Variants in DLG2 observed in about 807,000 individuals in gnomAD.
The protein encoded by DLG2 is disks large homolog 2.
Under a neutral mutation model 132.5 loss-of-function variants are expected in DLG2, and 45 were observed. The ratio of observed to expected loss-of-function variants is 0.34; its 90% CI spans 0.27 to 0.44. DLG2 has a LOEUF of 0.44. Ranked by LOEUF, DLG2 falls within the 20% of genes least tolerant of loss-of-function variation. DLG2 has a pLI of 1.00. For synonymous variants in DLG2, 424 were observed against 419.6 expected (o/e 1.01, Z -0.13); for missense variants, 1,045 against 1,196.9 (o/e 0.87, Z 1.87).
intron 11 of DLG2, among the ~76,000 whole-genome samples, chr11:83,989,433 G>C (rs541841409): frequency 6.6e-6 from 1 of 152,036 alleles, no homozygotes; most frequent in East Asian, 1.9e-4. Flanking sequence ...CAGGTTGTTG[G>C]GAAAACATGA....
chr11:84,218,945 T>C (rs75846986), intron 8 of DLG2, among the ~76,000 whole-genome samples: 6,307 of 152,266 alleles, frequency 0.041, 383 homozygotes, highest in African/African-American at 0.14. Context: ...TATTTTTCTA[T>C]TGTATTAAGG....
At chr11:85,582,701 A>C (rs111413578) in intron 3 of DLG2, among the ~76,000 whole-genome samples, 17,304 of 131,568 alleles carry the variant, frequency 0.13, 1,416 homozygotes, top group East Asian at 0.25. Context: ...AAAAAAAAAA[A>C]AAAACTCGTG....
chr11:84,004,757 C>T (rs2094499588), intron 11 of DLG2, among the ~76,000 whole-genome samples: 1 of 151,808 alleles, frequency 6.6e-6, no homozygotes, highest in Non-Finnish European at 1.5e-5. Flanking sequence ...AACTACAAAA[C>T]ACTGATGAAA....
intron 6 of DLG2, among the ~76,000 whole-genome samples, chr11:84,671,212 T>A (rs574975229): frequency 2.0e-4 from 31 of 152,012 alleles, no homozygotes; most frequent in Non-Finnish European, 3.7e-4. Context: ...AATCCTCCTA[T>A]CTCAGCCTTC....
chr11:84,669,121 T>A (rs1366983313), intron 6 of DLG2, among the ~76,000 whole-genome samples: 4 of 151,934 alleles, frequency 2.6e-5, no homozygotes, highest in African/African-American at 9.7e-5. Flanking sequence ...ACACTAGAGG[T>A]AAGACCTAAG....
intron 5 of DLG2, among the ~76,000 whole-genome samples, chr11:85,122,697 G>T (rs1295055052): frequency 6.6e-6 from 1 of 151,774 alleles, no homozygotes; most frequent in East Asian, 1.9e-4. Context: ...TGCATTTCCA[G>T]CAGTTTTCTA....
intron 7 of DLG2, among the ~76,000 whole-genome samples, chr11:84,428,406 C>T (rs1459609795): frequency 6.6e-6 from 1 of 152,166 alleles, no homozygotes; most frequent in Non-Finnish European, 1.5e-5. Flanking sequence ...TTAGCTTGGG[C>T]TGCCATAACA....
At chr11:84,366,281 C>G (rs1352173604) in intron 7 of DLG2, among the ~76,000 whole-genome samples, 1 of 151,832 alleles carries the variant, frequency 6.6e-6, no homozygotes, top group Non-Finnish European at 1.5e-5. Context: ...TTTGTCACCA[C>G]CAGGCCTGCC....
chr11:84,812,863 T>A (rs2076711354), intron 6 of DLG2, among the ~76,000 whole-genome samples: 1 of 152,118 alleles, frequency 6.6e-6, no homozygotes, highest in Admixed American at 6.6e-5. Flanking sequence ...AAATTGAAGT[T>A]CCATATGGTG....
chr11:83,952,127 C>T (rs1032458668), intron 14 of DLG2, among the ~76,000 whole-genome samples: 18 of 152,106 alleles, frequency 1.2e-4, no homozygotes, highest in African/African-American at 4.3e-4. Flanking sequence ...AGGGGGATCA[C>T]TTGAGCTTGG....
intron 6 of DLG2, among the ~76,000 whole-genome samples, chr11:84,910,394 G>C (rs956541219): frequency 1.3e-5 from 2 of 152,094 alleles, no homozygotes; most frequent in African/African-American, 4.8e-5. Context: ...CTAGTCAAAT[G>C]CTTTCCTAGA....
chr11:85,019,304 G>A (rs776141371), intron 6 of DLG2, among the ~76,000 whole-genome samples: 10 of 152,064 alleles, frequency 6.6e-5, no homozygotes, highest in South Asian at 6.2e-4. Flanking sequence ...GGGACTAGGC[G>A]CAGACCAATA....
At chr11:84,503,031 C>G (rs1401130158) in intron 7 of DLG2, among the ~76,000 whole-genome samples, 2 of 152,134 alleles carry the variant, frequency 1.3e-5, no homozygotes, top group Non-Finnish European at 1.5e-5. Flanking sequence ...TGAAGAGATT[C>G]TCTTGTAATA....
At chr11:83,985,900 T>A (rs1288618827) in intron 11 of DLG2, among the ~76,000 whole-genome samples, 1 of 151,996 alleles carries the variant, frequency 6.6e-6, no homozygotes, top group Non-Finnish European at 1.5e-5. Flanking sequence ...GTTGAATTTT[T>A]TTCCTCTAGG....
intron 4 of DLG2, among the ~76,000 whole-genome samples, chr11:85,165,371 G>A (rs2078364653): frequency 6.6e-6 from 1 of 152,192 alleles, no homozygotes; most frequent in Admixed American, 6.5e-5. Flanking sequence ...TCAGAATGGA[G>A]TCATTCATGC....
intron 7 of DLG2, among the ~76,000 whole-genome samples, chr11:84,309,426 A>C (rs992299336): frequency 7.9e-5 from 12 of 152,226 alleles, no homozygotes; most frequent in Non-Finnish European, 1.6e-4. Context: ...AACTTATAAC[A>C]ATAAAAGGAA....
intron 3 of DLG2, among the ~76,000 whole-genome samples, chr11:85,488,398 A>C (rs535553506): frequency 8.0e-4 from 122 of 152,024 alleles, no homozygotes; most frequent in Middle Eastern, 6.8e-3. Context: ...AAAAAAAAAA[A>C]AACAACAACA....
Position 84,072,197 on chromosome 11 carries a change from C to A in DLG2, c.750-12713G>T, listed in dbSNP as rs553999179. 7.2e-5 allele frequency among the ~76,000 whole-genome samples: 11 copies of A among 152,310 alleles called. No homozygotes were observed. In the East Asian group the frequency reaches 1.7e-3, roughly 24 times the overall value. On this transcript the variant is annotated intron_variant, in intron 10 of 27. Coordinates refer to ENST00000376104, the MANE Select transcript of DLG2 (RefSeq NM_001142699.3). ...TGCCTTTTTGGATAAAGCCAAAGTA[C>A]CTTCACATAACACCCAAGTCTTTCC...
chr11:84,698,282 C>T (rs987934856), intron 6 of DLG2, among the ~76,000 whole-genome samples: 15 of 151,522 alleles, frequency 9.9e-5, no homozygotes, highest in African/African-American at 3.6e-4. Context: ...AATTATCTCA[C>T]TTTCTCTGTT....
Sources: gnomAD v4.1 joint callset for allele counts (sites outside exome capture counted in the v4.1 genomes callset) on GRCh38, gnomAD v4.1.1 for gene constraint, MANE v1.5 for transcripts, NCBI Gene and HGNC (gene_info 2026-07-23, HGNC 2026-07-21) for gene names.